The following ULK4 variants were observed in gnomAD, a reference collection of about 807,000 sequenced individuals.
The protein encoded by ULK4 is unc-51 like kinase 4, also known as inactive serine/threonine-protein kinase ULK4.
A neutral mutation model predicts 160.6 loss-of-function variants in ULK4; 133 were observed. The observed-to-expected ratio is 0.83, with a 90% CI of 0.72 to 0.96. The LOEUF (loss-of-function observed/expected upper bound fraction) is 0.96. ULK4 is among the 40% of genes least tolerant of loss of function. ULK4 has a pLI of 0.00. For missense variants in ULK4, 1,580 were observed against 1,499.5 expected (o/e 1.05, Z -0.89); for synonymous variants, 534 against 539.8 (o/e 0.99, Z 0.15).
At chr3:41,572,709 T>C (rs1345414099) in intron 31 of ULK4, among the ~76,000 whole-genome samples, 1 of 142,064 alleles carries the variant, frequency 7.0e-6, no homozygotes, top group African/African-American at 2.6e-5. Flanking sequence ...GAGCTTGCAA[T>C]GGGCCGAGAT....
chr3:41,247,114 T>G (rs2078659957), intron 36 of ULK4, 122 bp from the exon 37 acceptor site: 1 of 947,932 alleles, frequency 1.1e-6, no homozygotes, highest in Non-Finnish European at 1.6e-6. Flanking sequence ...CAGCATCCTC[T>G]TGGGAAGCAG....
Position 41,291,307 on chromosome 3 carries a change from AAAGG to A in ULK4, c.3679-41737_3679-41734del, listed in dbSNP as rs1292488743. On this transcript the variant is annotated intron_variant, in intron 35 of 36. Transcript: ENST00000301831. Reference sequence around the variant, plus strand: ...GAGAGAGATAAGTATAAGAGGAAAGAAAGGAAGGAAGGAGAAAAGAAAGAGAAAG... The same window carrying A: ...GAGAGAGATAAGTATAAGAGGAAAGAAAGGAAGGAGAAAAGAAAGAGAAAG... Among the ~76,000 whole-genome samples the A allele has an allele frequency of 5.3e-5, 8 of 151,176 alleles. No individual in the cohort carries two copies. In the South Asian group the frequency reaches 1.7e-3, roughly 32 times the overall value.
At chr3:41,826,650 T>G (rs1226059962) in intron 18 of ULK4, among the ~76,000 whole-genome samples, 3 of 147,726 alleles carry the variant, frequency 2.0e-5, no homozygotes, top group African/African-American at 7.9e-5. Flanking sequence ...AGCACCCAGA[T>G]TCATAAAGCA....
chr3:41,675,028 T>C (rs1212504402), intron 29 of ULK4, among the ~76,000 whole-genome samples: 1 of 151,842 alleles, frequency 6.6e-6, no homozygotes, highest in African/African-American at 2.4e-5. Context: ...GATCATGAGG[T>C]CAAGAGATCG....
chr3:41,255,597 C>T (rs1400395135), intron 35 of ULK4, among the ~76,000 whole-genome samples: 2 of 133,630 alleles, frequency 1.5e-5, no homozygotes, highest in Admixed American at 7.5e-5. Context: ...ATAAAGTAGA[C>T]GTTAAGGCTA....
chr3:41,706,900 T>TACAGAG (rs369390361), intron 25 of ULK4, among the ~76,000 whole-genome samples: 2 of 136,382 alleles, frequency 1.5e-5, no homozygotes, highest in African/African-American at 5.9e-5. Context: ...TATATATATA[T>TACAGAG]AGAGAGAGAG....
At chr3:41,366,767 C>T (rs114715541) in intron 35 of ULK4, among the ~76,000 whole-genome samples, 7,590 of 152,276 alleles carry the variant, frequency 0.05, 287 homozygotes, top group Non-Finnish European at 0.071. Flanking sequence ...CCATATGCCA[C>T]AGTTGAGTCT....
intron 5 of ULK4, among the ~76,000 whole-genome samples, chr3:41,924,863 G>C (rs1699321637): frequency 6.6e-6 from 1 of 152,046 alleles, no homozygotes; most frequent in South Asian, 2.1e-4. Context: ...CCACCCTCTT[G>C]CATAGTGCCC....
At chr3:41,415,436 C>T (rs753714069) in intron 34 of ULK4, among the ~76,000 whole-genome samples, 1 of 152,132 alleles carries the variant, frequency 6.6e-6, no homozygotes, top group Non-Finnish European at 1.5e-5. Context: ...AATCCATTTT[C>T]CCCATCTCAC....
chr3:41,952,459 G>C (rs1229093121), intron 2 of ULK4, among the ~76,000 whole-genome samples: 1 of 152,082 alleles, frequency 6.6e-6, no homozygotes, highest in East Asian at 1.9e-4. Context: ...ATAAGCATAT[G>C]AAAAGATGCT....
At chr3:41,370,402 A>C (rs1164767553) in intron 35 of ULK4, among the ~76,000 whole-genome samples, 1 of 152,200 alleles carries the variant, frequency 6.6e-6, no homozygotes, top group African/African-American at 2.4e-5. Flanking sequence ...AGCTCCCAGC[A>C]AGACCAACCC....
In ULK4 at chr3:41,898,329, A is replaced by C. The variant is rs1698238974; in HGVS notation, c.1348+103T>G. The C allele has an allele frequency of 3.3e-5, 24 of 725,156 alleles. No homozygotes were observed. In the South Asian group the frequency reaches 5.1e-4, roughly 15 times the overall value. The allele number at this position is 725,156 out of a possible 1,614,324, so 44.9% of individuals were successfully genotyped here. ...AAGAATATAGCCAATTGTCAAGACA[A>C]AATAAATTTAGTTATTCACATATAT... is the stretch of plus-strand genomic sequence containing the variant. On this transcript the variant is annotated intron_variant, in intron 14 of 36. Transcript: ENST00000301831.
At chr3:41,429,092 CAT>C (rs1214126634) in intron 34 of ULK4, among the ~76,000 whole-genome samples, 1 of 151,066 alleles carries the variant, frequency 6.6e-6, no homozygotes, top group Non-Finnish European at 1.5e-5. Flanking sequence ...AGGGAAAAAA[CAT>C]AAACAGACAC....
intron 32 of ULK4, among the ~76,000 whole-genome samples, chr3:41,542,488 TG>T (rs1559380457): frequency 6.6e-6 from 1 of 152,182 alleles, no homozygotes; most frequent in Non-Finnish European, 1.5e-5. Flanking sequence ...TTTCTTTTTT[TG>T]TTTTGTCTTT....
intron 32 of ULK4, among the ~76,000 whole-genome samples, chr3:41,483,912 G>A (rs2084415639): frequency 6.6e-6 from 1 of 152,208 alleles, no homozygotes; most frequent in African/African-American, 2.4e-5. Flanking sequence ...GCCAAAGAAT[G>A]CAGGGGGCCT....
At chr3:41,642,102 G>C (rs1225559544) in intron 30 of ULK4, among the ~76,000 whole-genome samples, 13 of 151,560 alleles carry the variant, frequency 8.6e-5, no homozygotes, top group Non-Finnish European at 1.5e-4. Context: ...TCGAACCCCT[G>C]ACCTCAGGTG....
intron 30 of ULK4, among the ~76,000 whole-genome samples, chr3:41,633,151 G>A (rs2033816610): frequency 6.6e-6 from 1 of 152,230 alleles, no homozygotes; most frequent in Non-Finnish European, 1.5e-5. Context: ...AGAAGATCAT[G>A]TTAGTCATGC....
At chr3:41,698,402 T>C (rs1246213855) in intron 27 of ULK4, among the ~76,000 whole-genome samples, 1 of 152,054 alleles carries the variant, frequency 6.6e-6, no homozygotes. Flanking sequence ...GCTGCGACTA[T>C]AGGATCTCGC....
chr3:41,370,729 T>C (rs1444849018), intron 35 of ULK4, among the ~76,000 whole-genome samples: 1 of 151,986 alleles, frequency 6.6e-6, no homozygotes, highest in Non-Finnish European at 1.5e-5. Context: ...CAAAACTGGG[T>C]GGCCAAGCTA....
Sources: allele counts gnomAD v4.1 joint callset (sites outside exome capture counted in the v4.1 genomes callset), GRCh38; gene constraint gnomAD v4.1.1; transcripts MANE v1.5; gene names NCBI Gene and HGNC (gene_info 2026-07-23, HGNC 2026-07-21).